LRRCC1: variants seen among roughly 807,000 people sequenced by gnomAD.
LRRCC1 encodes the protein leucine-rich repeat and coiled-coil domain-containing protein 1.
In LRRCC1, 115 loss-of-function variants were observed where a neutral mutation model predicts 126.0. The ratio of observed to expected loss-of-function variants is 0.91; its 90% CI spans 0.78 to 1.07. LRRCC1 has a LOEUF of 1.07. Ranked by LOEUF, LRRCC1 falls within the 50% of genes least tolerant of loss-of-function variation. The pLI, the probability that LRRCC1 is intolerant of heterozygous loss-of-function variation, is 0.00. For synonymous variants in LRRCC1, 400 were observed against 393.4 expected (o/e 1.02, Z -0.20); for missense variants, 1,172 against 1,175.7 (o/e 1.00, Z 0.05).
chr8:85,138,440 T>A lies in LRRCC1; in HGVS notation c.2805T>A (p.Leu935=). The change falls in exon 17 of 19, where the codon CTT becomes CTA. Residue 935 remains leucine, a synonymous_variant. Transcript: ENST00000360375. ...AATTTGAAAACAAGGAAAAGAAACT[T>A]AAAGCGGAAAGAGACAAAAGTATTG... is the stretch of plus-strand genomic sequence containing the variant. ...KEKFENKEKK[L]KAERDKSIEL... The A allele has an allele frequency of 6.2e-7, 1 of 1,611,946 alleles. No individual in the cohort carries two copies.
chr8:85,141,410 G>C lies in LRRCC1; in HGVS notation c.2869G>C (p.Asp957His). The C allele has an allele frequency of 6.2e-7, 1 of 1,612,862 alleles. No individual in the cohort carries two copies. Among genetic ancestry groups the C allele is most frequent in the Non-Finnish European group, 8.5e-7 (1 of 1,179,218 alleles). The change falls in exon 18 of 19, where the codon GAT (aspartate) becomes CAT (histidine). Residue 957 changes from aspartate to histidine, a missense_variant. By Grantham distance (81) the Asp-to-His change is moderately conservative. Transcript: ENST00000360375. Reference protein sequence around the residue: ...KNAMEKLHSMDDAFKRQVDAI... With the variant: ...KNAMEKLHSMHDAFKRQVDAI... ...TGCAATGGAAAAACTTCATAGTATG[G>C]ATGATGCCTTTAAAAGACAAGTTGA...
chr8:85,126,715 G>A lies in LRRCC1; in HGVS notation c.1299G>A (p.Glu433=), dbSNP rs1400094749. The A allele has an allele frequency of 3.8e-5, 61 of 1,612,612 alleles. No homozygotes were observed. The highest frequency in any genetic ancestry group is 4.6e-5 in the Non-Finnish European group (54 of 1,179,898). ...CCCTTGTTGAACAGCTAGACCAAGA[G>A]AGAGAGAAGAGATGGAGAGCTGAGC... ...YQSLVEQLDQ[E]REKRWRAEQA... Residue 433 remains glutamate, a synonymous_variant, in exon 9 of 19, where the codon GAG becomes GAA. Transcript: ENST00000360375.
chr8:85,127,743 A>G (rs1463051590), intron 9 of LRRCC1, among the ~76,000 whole-genome samples: 1 of 152,192 alleles, frequency 6.6e-6, no homozygotes, highest in Non-Finnish European at 1.5e-5. Context: ...CTAATACGCA[A>G]CATGCATGCT....
chr8:85,120,644 T>G (rs1378401864), intron 6 of LRRCC1, among the ~76,000 whole-genome samples: 13 of 152,200 alleles, frequency 8.5e-5, no homozygotes. Flanking sequence ...CAACCACAAA[T>G]CTATTTTCTT....
intron 6 of LRRCC1, among the ~76,000 whole-genome samples, chr8:85,122,812 A>ATGAG (rs1170607149): frequency 1.3e-5 from 2 of 152,160 alleles, no homozygotes; most frequent in Admixed American, 6.5e-5. Flanking sequence ...TTCGTTGTAG[A>ATGAG]TACTCTAGAT....
chr8:85,124,687 T>G lies in LRRCC1; in HGVS notation c.1125-105T>G, dbSNP rs1587401413. On this transcript the variant is annotated intron_variant, in intron 7 of 18. Coordinates refer to ENST00000360375, the MANE Select transcript of LRRCC1 (RefSeq NM_033402.5). ...CAAGTTACTATAATTTTATTAATAT[T>G]CTTTTTAAAAAGCTGTTTGCATATA... The G allele has an allele frequency of 4.8e-6, 3 of 626,338 alleles. No individual in the cohort carries two copies. The East Asian group carries it at 9.1e-5, about 19-fold the overall frequency. The allele number at this position is 626,338 out of a possible 1,614,324, so 38.8% of individuals were successfully genotyped here.
intron 11 of LRRCC1, 61 bp downstream of exon 11, chr8:85,130,119 G>A (rs1810340350): frequency 7.7e-7 from 1 of 1,294,278 alleles, no homozygotes. Flanking sequence ...AAAGCTACTG[G>A]TTCCCCACTA....
Position 85,112,994 on chromosome 8 carries a change from A to G in LRRCC1, c.439A>G (p.Ile147Val), listed in dbSNP as rs757341312. Residue 147 changes from isoleucine (I) to valine (V), a missense_variant, in exon 4 of 19, where the codon ATA (isoleucine) becomes GTA (valine). Physicochemically the swap from Ile to Val is conservative, Grantham distance 29 (BLOSUM62 3). Coordinates refer to ENST00000360375, the MANE Select transcript of LRRCC1 (RefSeq NM_033402.5). ...LRYIDLHSNR[I>V]DSIHHLLQCM... The stretch of plus-strand genomic sequence containing the variant: ...ATATATTGATCTACATAGTAATCGT[A>G]TAGATAGTATCCATCACTTACTTCA... 5 of 1,602,852 alleles carry G rather than the reference A, an allele frequency of 3.1e-6. No homozygotes were observed. The highest frequency in any genetic ancestry group is 2.2e-5 in the East Asian group (1 of 44,798).
rs557651097 is a variant in LRRCC1 at position 85,129,166 on chromosome 8, C to T, written c.1422-9C>T. 52 of 1,587,426 alleles carry T rather than the reference C, an allele frequency of 3.3e-5. No individual in the cohort carries two copies. The South Asian group carries it at 5.5e-4, about 17-fold the overall frequency. On this transcript the variant is annotated splice_polypyrimidine_tract_variant and intron_variant, in intron 9 of 18. Transcript: ENST00000360375. The stretch of plus-strand genomic sequence containing the variant: ...ATATACTTAACACCACATATAACTT[C>T]TGCTTTAGGCTAAAGGAAATTATTT...
At position 85,125,670 on chromosome 8, in the gene LRRCC1, C is replaced by CAAAAAA. The variant is rs71273921; in HGVS notation, c.1272+745_1272+750dup. The stretch of plus-strand genomic sequence containing the variant: ...CCTGGGCGACAGAGCGAGACTCCGT[C>CAAAAAA]AAAAAAAAAAAAAAAAAAAGAGGTG... On this transcript the variant is annotated intron_variant, in intron 8 of 18. Transcript: ENST00000360375. Among the ~76,000 whole-genome samples the CAAAAAA allele has an allele frequency of 6.0e-4, 31 of 51,922 alleles. 6 individuals are homozygous for CAAAAAA. Among genetic ancestry groups the CAAAAAA allele is most frequent in the African/African-American group, 2.0e-3 (21 of 10,730 alleles). The allele number at this position is 51,922 out of a possible 152,430, so 34.1% of individuals were successfully genotyped here.
In LRRCC1 at chr8:85,134,894, A is replaced by G. The variant is rs372166657; in HGVS notation, c.2016A>G (p.Lys672=). The G allele has an allele frequency of 5.0e-6, 8 of 1,593,488 alleles. No homozygotes were observed. Among genetic ancestry groups the G allele is most frequent in the Non-Finnish European group, 6.0e-6 (7 of 1,175,362 alleles). Reference sequence around the variant, plus strand: ...TTGCAACTGAGTTAGCAAAGAGCAAACATGCTCTTATTTGGGCTCAACGAA... The same window carrying G: ...TTGCAACTGAGTTAGCAAAGAGCAAGCATGCTCTTATTTGGGCTCAACGAA... ...ENVATELAKS[K]HALIWAQRKE... The change falls in exon 13 of 19, where the codon AAA becomes AAG. Residue 672 remains lysine, a synonymous_variant. Transcript: ENST00000360375.
intron 17 of LRRCC1, among the ~76,000 whole-genome samples, chr8:85,141,112 A>G (rs1177713520): frequency 6.6e-6 from 1 of 152,118 alleles, no homozygotes; most frequent in Non-Finnish European, 1.5e-5. Flanking sequence ...ATAAATGGGG[A>G]AACAGAGTAC....
In LRRCC1 at chr8:85,110,106, T is replaced by G. The variant is rs1808589942; in HGVS notation, c.311-9T>G. 8 of 1,132,306 alleles carry G rather than the reference T, an allele frequency of 7.1e-6. No individual in the cohort carries two copies. The highest frequency in any genetic ancestry group is 1.6e-5 in the African/African-American group (1 of 63,196). 70.1% of individuals were successfully genotyped at this position (1,132,306 alleles called of 1,614,324 possible). A position where few individuals can be genotyped will look rare whatever the true frequency, so the allele number is the denominator to read the frequency against. ...AAAGGCTTTATTTTATTTTACTTTT[T>G]TTTTTTAGGACTTGAAGAACTAATT... On this transcript the variant is annotated splice_polypyrimidine_tract_variant and intron_variant, in intron 2 of 18. Transcript: ENST00000360375.
intron 6 of LRRCC1, among the ~76,000 whole-genome samples, chr8:85,119,496 C>CTT (rs542722001): frequency 6.6e-5 from 9 of 135,918 alleles, no homozygotes; most frequent in Non-Finnish European, 9.6e-5. Context: ...TTTTCTAGCA[C>CTT]TTTTTTTTTT....
chr8:85,137,765 A>C, intron 15 of LRRCC1, 138 bp downstream of exon 15: 1 of 599,894 alleles, frequency 1.7e-6, no homozygotes, highest in Non-Finnish European at 2.7e-6. Flanking sequence ...TTCTTTTTAT[A>C]ATATTTGCCC....
At chr8:85,144,949 G>A (rs1204570583) in intron 18 of LRRCC1, among the ~76,000 whole-genome samples, 3 of 150,096 alleles carry the variant, frequency 2.0e-5, no homozygotes, top group Admixed American at 1.3e-4. Context: ...GCATGGTAGC[G>A]GGCACCTGTA....
At chr8:85,140,492 T>C (rs919673764) in intron 17 of LRRCC1, among the ~76,000 whole-genome samples, 2 of 152,200 alleles carry the variant, frequency 1.3e-5, no homozygotes, top group African/African-American at 4.8e-5. Context: ...CTGATTGCTG[T>C]ACTAAAACCA....
intron 4 of LRRCC1, among the ~76,000 whole-genome samples, chr8:85,114,087 G>A (rs1198010545): frequency 1.3e-5 from 2 of 152,006 alleles, no homozygotes; most frequent in Non-Finnish European, 2.9e-5. Flanking sequence ...TCCTGAGGTG[G>A]AAAATATTTC....
In LRRCC1 at chr8:85,131,938, G is replaced by T; in HGVS notation, c.1945G>T (p.Val649Phe). ...AAATGAATTCCGTATTGCTTTAACT[G>T]TTGAAGCCAGAAGATTTCAAGATGT... is the stretch of plus-strand genomic sequence containing the variant. ...LENEFRIALTVEARRFQDVKD... is the reference protein window; with the variant it reads ...LENEFRIALTFEARRFQDVKD... Residue 649 changes from valine (V) to phenylalanine (F), a missense_variant, in exon 12 of 19, where the codon GTT becomes TTT. Physicochemically the swap from Val to Phe is conservative, Grantham distance 50 (BLOSUM62 -1). Transcript: ENST00000360375. 1 of 1,611,286 alleles carries T rather than the reference G, an allele frequency of 6.2e-7. No individual in the cohort carries two copies. The highest frequency in any genetic ancestry group is 1.1e-5 in the South Asian group (1 of 89,956).
Sources: allele counts gnomAD v4.1 joint callset (sites outside exome capture counted in the v4.1 genomes callset), GRCh38; gene constraint gnomAD v4.1.1; transcripts MANE v1.5; gene names NCBI Gene and HGNC (gene_info 2026-07-23, HGNC 2026-07-21).